ARHGAP28: variants seen among roughly 807,000 people sequenced by gnomAD.
ARHGAP28 encodes the protein rho GTPase-activating protein 28.
Under a neutral mutation model 90.7 loss-of-function variants are expected in ARHGAP28, and 56 were observed. The observed-to-expected ratio is 0.62, with a 90% CI of 0.50 to 0.77. The LOEUF (loss-of-function observed/expected upper bound fraction) is 0.77. ARHGAP28 is among the 30% of genes least tolerant of loss of function. The probability of loss-of-function intolerance (pLI) is 0.00; values close to 1 mark genes in which losing one functional copy is unlikely to be tolerated. For missense variants in ARHGAP28, 869 were observed against 900.9 expected (o/e 0.96, Z 0.45); for synonymous variants, 308 against 323.3 (o/e 0.95, Z 0.51).
At chr18:6,792,380 A>G (rs1042822378) in intron 1 of ARHGAP28, among the ~76,000 whole-genome samples, 6 of 152,204 alleles carry the variant, frequency 3.9e-5, no homozygotes. Context: ...TTGTATATCT[A>G]TATTTAAAAC....
At chr18:6,777,680 G>T (rs78804029) in intron 1 of ARHGAP28, among the ~76,000 whole-genome samples, 1 of 152,036 alleles carries the variant, frequency 6.6e-6, no homozygotes, top group East Asian at 1.9e-4. Flanking sequence ...ATCTATGATT[G>T]CACCACTGCA....
intron 2 of ARHGAP28, among the ~76,000 whole-genome samples, chr18:6,827,903 T>G (rs1172631332): frequency 7.0e-6 from 1 of 142,100 alleles, no homozygotes; most frequent in Non-Finnish European, 1.5e-5. Flanking sequence ...ACTTCCTAGA[T>G]GGGATGGCGG....
At chr18:6,783,378 T>C (rs769827658) in intron 1 of ARHGAP28, among the ~76,000 whole-genome samples, 59 of 151,880 alleles carry the variant, frequency 3.9e-4, no homozygotes, top group Non-Finnish European at 6.8e-4. Flanking sequence ...CTCAGCTCAC[T>C]GCAACCTCTG....
chr18:6,772,314 T>C (rs1295445615), intron 1 of ARHGAP28, among the ~76,000 whole-genome samples: 1 of 152,236 alleles, frequency 6.6e-6, no homozygotes, highest in African/African-American at 2.4e-5. Context: ...TTATTACATT[T>C]GTTTCCAGGA....
At chr18:6,839,522 T>A (rs369856803) in intron 3 of ARHGAP28, among the ~76,000 whole-genome samples, 1 of 151,998 alleles carries the variant, frequency 6.6e-6, no homozygotes, top group Non-Finnish European at 1.5e-5. Flanking sequence ...TGGTCTCGAT[T>A]TCCTGACCTC....
intron 2 of ARHGAP28, among the ~76,000 whole-genome samples, chr18:6,826,645 G>GAAGCC (rs1339992320): frequency 1.3e-5 from 2 of 148,804 alleles, no homozygotes; most frequent in Non-Finnish European, 3.0e-5. Flanking sequence ...CCACTCAAAG[G>GAAGCC]AAGCCCTTCT....
rs2066595761 is a variant in ARHGAP28 at position 6,873,537 on chromosome 18, A to G, written c.1083A>G (p.Gln361=). 6.2e-7 allele frequency: 1 copy of G among 1,613,954 alleles called. No individual in the cohort carries two copies. Among genetic ancestry groups the G allele is most frequent in the Non-Finnish European group, 8.5e-7 (1 of 1,180,010 alleles). The change falls in exon 8 of 18, where the codon CAA becomes CAG. Residue 361 remains glutamine, a synonymous_variant. Transcript: ENST00000383472. ...LTAFFDAFGI[Q]LKRNKTEKVK... ...CCTTTTTTGATGCCTTTGGAATTCA[A>G]CTGAAAAGGAACAAAACAGAGAAAG...
chr18:6,773,139 G>T (rs1287882302), intron 1 of ARHGAP28, among the ~76,000 whole-genome samples: 1 of 152,048 alleles, frequency 6.6e-6, no homozygotes, highest in African/African-American at 2.4e-5. Context: ...CTGAAATTAC[G>T]CATTTATCCA....
chr18:6,737,498 A>G (rs1567930435), intron 1 of ARHGAP28, among the ~76,000 whole-genome samples: 1 of 152,068 alleles, frequency 6.6e-6, no homozygotes, highest in Admixed American at 6.6e-5. Context: ...TTTACTTTTG[A>G]TTAGATAATC....
intron 1 of ARHGAP28, among the ~76,000 whole-genome samples, chr18:6,781,149 C>G (rs2056321057): frequency 6.6e-6 from 1 of 152,164 alleles, no homozygotes. Context: ...TCCTTTCCTT[C>G]TATTGCTGCT....
chr18:6,895,492 T>G (rs9946632), intron 15 of ARHGAP28, among the ~76,000 whole-genome samples: 3,152 of 152,344 alleles, frequency 0.021, 89 homozygotes, highest in African/African-American at 0.072. Context: ...AAAATCAGGG[T>G]GTCAGCAAGC....
intron 1 of ARHGAP28, among the ~76,000 whole-genome samples, chr18:6,791,825 T>C (rs2143559789): frequency 6.6e-6 from 1 of 152,218 alleles, no homozygotes; most frequent in East Asian, 1.9e-4. Context: ...TTTTCTTTTT[T>C]TTTTAATTTG....
intron 17 of ARHGAP28, among the ~76,000 whole-genome samples, chr18:6,911,727 C>T (rs1190437831): frequency 6.6e-6 from 1 of 152,102 alleles, no homozygotes; most frequent in Admixed American, 6.5e-5. Context: ...TGAGCCACTG[C>T]GCCCAGCCCT....
At chr18:6,801,480 C>T (rs937002104) in intron 1 of ARHGAP28, among the ~76,000 whole-genome samples, 7 of 152,176 alleles carry the variant, frequency 4.6e-5, no homozygotes, top group African/African-American at 7.2e-5. Flanking sequence ...TTGGCTATTT[C>T]AGGTTCTTTG....
At chr18:6,775,811 C>G (rs867379616) in intron 1 of ARHGAP28, among the ~76,000 whole-genome samples, 3 of 152,166 alleles carry the variant, frequency 2.0e-5, no homozygotes, top group African/African-American at 7.2e-5. Flanking sequence ...TCACTTTGTA[C>G]GTGTTGCCTG....
chr18:6,765,428 A>G (rs1289453056), intron 1 of ARHGAP28, among the ~76,000 whole-genome samples: 1 of 152,112 alleles, frequency 6.6e-6, no homozygotes, highest in Non-Finnish European at 1.5e-5. Context: ...GAATTCTTCA[A>G]AATATTCCCT....
chr18:6,771,827 C>T (rs2056245227), intron 1 of ARHGAP28, among the ~76,000 whole-genome samples: 2 of 152,250 alleles, frequency 1.3e-5, no homozygotes, highest in African/African-American at 4.8e-5. Context: ...CTGGATAATG[C>T]TCTTTATGTA....
At chr18:6,757,471 G>GTAGGATTACCTACTA (rs1279385077) in intron 1 of ARHGAP28, among the ~76,000 whole-genome samples, 1 of 152,084 alleles carries the variant, frequency 6.6e-6, no homozygotes, top group Non-Finnish European at 1.5e-5. Flanking sequence ...AGGAATTCTA[G>GTAGGATTACCTACTA]GAACATACCG....
chr18:6,887,653 G>A, intron 12 of ARHGAP28, among the ~76,000 whole-genome samples: 1 of 152,042 alleles, frequency 6.6e-6, no homozygotes, highest in Non-Finnish European at 1.5e-5. Flanking sequence ...CAACTCCAGG[G>A]CTCAAGTGAT....
Sources: allele counts gnomAD v4.1 joint callset (sites outside exome capture counted in the v4.1 genomes callset), GRCh38; gene constraint gnomAD v4.1.1; transcripts MANE v1.5; gene names NCBI Gene and HGNC (gene_info 2026-07-23, HGNC 2026-07-21).